SOX6: variants seen among roughly 807,000 people sequenced by gnomAD.
SOX6 encodes transcription factor SOX-6.
In SOX6, 11 loss-of-function variants were observed where a neutral mutation model predicts 97.8. The observed-to-expected ratio is 0.11, with a 90% CI of 0.07 to 0.19. The LOEUF (loss-of-function observed/expected upper bound fraction) is 0.19, where lower values mean the gene tolerates loss of function less well. Ranked by LOEUF, SOX6 falls within the 10% of genes least tolerant of loss-of-function variation. SOX6 has a pLI of 1.00. For missense variants in SOX6, 810 were observed against 1,039.5 expected (o/e 0.78, Z 3.04); for synonymous variants, 360 against 371.4 (o/e 0.97, Z 0.35).
At chr11:16,693,730 T>C (rs1848032815) in intron 3 of SOX6, among the ~76,000 whole-genome samples, 1 of 152,204 alleles carries the variant, frequency 6.6e-6, no homozygotes, top group South Asian at 2.1e-4. Flanking sequence ...TATTAAATCA[T>C]ATGAACAAAT....
intron 4 of SOX6, among the ~76,000 whole-genome samples, chr11:16,197,726 A>G (rs1024651058): frequency 6.6e-6 from 1 of 152,206 alleles, no homozygotes; most frequent in African/African-American, 2.4e-5. Context: ...AATGTTTCCT[A>G]TGTAGCATTC....
intron 3 of SOX6, among the ~76,000 whole-genome samples, chr11:16,633,431 G>C (rs1034153592): frequency 2.6e-5 from 4 of 152,178 alleles, no homozygotes; most frequent in Non-Finnish European, 1.5e-5. Context: ...ACTCGTAACA[G>C]GACCTTAACC....
chr11:16,020,246 C>G (rs1855012541), intron 12 of SOX6, among the ~76,000 whole-genome samples: 1 of 151,940 alleles, frequency 6.6e-6, no homozygotes, highest in Non-Finnish European at 1.5e-5. Flanking sequence ...GCCTCTTGCC[C>G]TCAACCCTCT....
chr11:16,624,044 C>T (rs988346929), intron 3 of SOX6, among the ~76,000 whole-genome samples: 3 of 152,094 alleles, frequency 2.0e-5, no homozygotes, highest in African/African-American at 7.2e-5. Context: ...ATTAGTTTTG[C>T]CTATTCTTGT....
intron 4 of SOX6, among the ~76,000 whole-genome samples, chr11:16,233,704 AT>A (rs1852926505): frequency 6.6e-6 from 1 of 152,106 alleles, no homozygotes; most frequent in East Asian, 1.9e-4. Context: ...CATTTTATAG[AT>A]GAGGATTATA....
At chr11:16,344,418 T>A (rs911614858) in intron 1 of SOX6, among the ~76,000 whole-genome samples, 1 of 151,990 alleles carries the variant, frequency 6.6e-6, no homozygotes, top group Non-Finnish European at 1.5e-5. Context: ...TCTCATTCAT[T>A]TCTTTAGCTT....
At chr11:16,513,391 G>C (rs150535964) in intron 4 of SOX6, among the ~76,000 whole-genome samples, 5,414 of 152,338 alleles carry the variant, frequency 0.036, 136 homozygotes, top group Non-Finnish European at 0.057. Flanking sequence ...CCAGCACTTT[G>C]GGAGGCCAAG....
rs768453362 is a variant in SOX6, at chr11:16,140,103, A to G, written c.778-28180T>C. Among the ~76,000 whole-genome samples the G allele has an allele frequency of 3.9e-5, 6 of 152,022 alleles. 1 individual carries two copies. Among genetic ancestry groups the G allele is most frequent in the Non-Finnish European group, 7.4e-5 (5 of 68,004 alleles). On this transcript the variant is annotated intron_variant, in intron 6 of 15. Transcript: ENST00000683767. ...TATATTTATTTTCTCTCTATCTCTTACATATTACCAACCAATCTCCTCATC... is the reference window on the plus strand; with the variant it reads ...TATATTTATTTTCTCTCTATCTCTTGCATATTACCAACCAATCTCCTCATC...
At chr11:16,583,959 G>A (rs771751098) in intron 4 of SOX6, among the ~76,000 whole-genome samples, 5 of 151,946 alleles carry the variant, frequency 3.3e-5, no homozygotes, top group Admixed American at 6.6e-5. Flanking sequence ...TAACTGGGGC[G>A]AGATAATATC....
intron 6 of SOX6, among the ~76,000 whole-genome samples, chr11:16,118,981 G>C (rs1315355803): frequency 2.0e-5 from 3 of 152,126 alleles, no homozygotes; most frequent in African/African-American, 7.2e-5. Flanking sequence ...AGAGAAAATA[G>C]AGAGTTCAGA....
chr11:16,339,123 C>T (rs955085864), intron 2 of SOX6, among the ~76,000 whole-genome samples: 1 of 152,052 alleles, frequency 6.6e-6, no homozygotes, highest in Non-Finnish European at 1.5e-5. Context: ...CATCTCTCAC[C>T]TAGACTTCTG....
At chr11:16,448,911 T>G (rs1312620366) in intron 1 of SOX6, among the ~76,000 whole-genome samples, 1 of 152,060 alleles carries the variant, frequency 6.6e-6, no homozygotes, top group African/African-American at 2.4e-5. Flanking sequence ...AATGCACACT[T>G]ATAAAGCTGT....
intron 4 of SOX6, among the ~76,000 whole-genome samples, chr11:16,533,662 A>G (rs1415435152): frequency 6.6e-6 from 1 of 152,014 alleles, no homozygotes; most frequent in African/African-American, 2.4e-5. Flanking sequence ...ATTTTGTCCT[A>G]TTGGGATGCA....
At chr11:16,498,637 A>T (rs1860650632) in intron 4 of SOX6, among the ~76,000 whole-genome samples, 1 of 152,178 alleles carries the variant, frequency 6.6e-6, no homozygotes, top group Admixed American at 6.5e-5. Flanking sequence ...ATGGAAAACA[A>T]AAAAAGGCAG....
At chr11:16,452,602 T>TTAAGTGAAATAAAGG (rs1261842039) in intron 1 of SOX6, among the ~76,000 whole-genome samples, 3 of 152,176 alleles carry the variant, frequency 2.0e-5, no homozygotes, top group Non-Finnish European at 4.4e-5. Flanking sequence ...CTGTAGTGCT[T>TTAAGTGAAATAAAGG]TAAGTGAAAT....
chr11:16,540,266 A>G (rs578127262), intron 4 of SOX6, among the ~76,000 whole-genome samples: 62 of 152,332 alleles, frequency 4.1e-4, no homozygotes, highest in African/African-American at 1.4e-3. Context: ...GACGAAATTC[A>G]ACAGCCCTTC....
chr11:16,452,547 C>T (rs1859738532), intron 1 of SOX6, among the ~76,000 whole-genome samples: 1 of 152,002 alleles, frequency 6.6e-6, no homozygotes, highest in African/African-American at 2.4e-5. Flanking sequence ...TTGAGGAAGC[C>T]TCCACTGTTT....
In SOX6 at chr11:16,510,377, G is replaced by C. The variant is rs1302569914; in HGVS notation, n.610-33989C>G. Among the ~76,000 whole-genome samples, 8 of 151,624 alleles carry C rather than the reference G, an allele frequency of 5.3e-5. No homozygotes were observed. The East Asian group carries it at 1.2e-3, about 22-fold the overall frequency. On this transcript the variant is annotated intron_variant and non_coding_transcript_variant, in intron 4 of 5. Transcript: ENST00000524520. ...GCCCTATTTTTTTTCCCTTCAACTTGTATTAATTCAGCATCTGATCCTGGC... is the reference window on the plus strand; with the variant it reads ...GCCCTATTTTTTTTCCCTTCAACTTCTATTAATTCAGCATCTGATCCTGGC...
intron 9 of SOX6, among the ~76,000 whole-genome samples, chr11:16,058,946 C>T (rs939965960): frequency 6.6e-6 from 1 of 152,054 alleles, no homozygotes; most frequent in Non-Finnish European, 1.5e-5. Flanking sequence ...AACCAGTCAT[C>T]CTGTCTACAG....
Sources: allele counts gnomAD v4.1 joint callset (sites outside exome capture counted in the v4.1 genomes callset), GRCh38; gene constraint gnomAD v4.1.1; transcripts MANE v1.5; gene names NCBI Gene and HGNC (gene_info 2026-07-23, HGNC 2026-07-21).